The following COX16 variants were observed in gnomAD, a reference collection of about 807,000 sequenced individuals.
The protein encoded by COX16 is cytochrome c oxidase assembly factor COX16.
In COX16, 12 loss-of-function variants were observed where a neutral mutation model predicts 15.4. The observed-to-expected ratio is 0.78, with a 90% CI of 0.50 to 1.26. The LOEUF (loss-of-function observed/expected upper bound fraction) is 1.26. Among genes scored for constraint, COX16 ranks in the 50% most tolerant of loss-of-function variants. The pLI, the probability that COX16 is intolerant of heterozygous loss-of-function variation, is 0.00. For synonymous variants in COX16, 46 were observed against 41.1 expected, an observed-to-expected ratio of 1.12 and a Z score of -0.46; for missense variants, 124 against 127.6, an observed-to-expected ratio of 0.97 and a Z score of 0.14.
chr14:70,329,623 T>C (rs1286271466), intron 2 of COX16, among the ~76,000 whole-genome samples: 1 of 149,976 alleles, frequency 6.7e-6, no homozygotes. Context: ...TAACCACCAA[T>C]CTAAATTATA....
intron 3 of COX16, among the ~76,000 whole-genome samples, chr14:70,327,906 TG>T (rs1886133058): frequency 6.6e-6 from 1 of 151,976 alleles, no homozygotes; most frequent in African/African-American, 2.4e-5. Flanking sequence ...GGCCTGAGTG[TG>T]GAACAGCGTC....
intron 2 of COX16, among the ~76,000 whole-genome samples, chr14:70,329,721 C>CAAA (rs199721497): frequency 0.067 from 7,924 of 117,786 alleles, 390 homozygotes; most frequent in Non-Finnish European, 0.1. Context: ...AGATATCTAC[C>CAAA]AAAAAAAAAA....
At chr14:70,339,565 G>A (rs1462081076) in intron 2 of COX16, among the ~76,000 whole-genome samples, 1 of 152,064 alleles carries the variant, frequency 6.6e-6, no homozygotes, top group African/African-American at 2.4e-5. Context: ...TTAGACCACA[G>A]TGTCAACCCC....
At chr14:70,340,480 T>C (rs954145700) in intron 2 of COX16, among the ~76,000 whole-genome samples, 3 of 152,362 alleles carry the variant, frequency 2.0e-5, no homozygotes, top group South Asian at 2.1e-4. Context: ...CTTAGATTTA[T>C]TCATATTTTT....
intron 1 of COX16, among the ~76,000 whole-genome samples, chr14:70,353,421 T>TAC (rs1405879676): frequency 6.7e-6 from 1 of 148,370 alleles, no homozygotes. Context: ...CACATATATA[T>TAC]ACACACACAT....
At chr14:70,336,117 G>C (rs539244120) in intron 2 of COX16, among the ~76,000 whole-genome samples, 3 of 152,076 alleles carry the variant, frequency 2.0e-5, no homozygotes, top group Non-Finnish European at 4.4e-5. Flanking sequence ...TTAGCCGGGC[G>C]TGGTAGCATG....
intron 3 of COX16, 88 bp from the exon 4 acceptor site, chr14:70,326,537 A>AGTTAGTT: frequency 1.0e-6 from 1 of 978,478 alleles, no homozygotes; most frequent in Non-Finnish European, 1.4e-6. Flanking sequence ...TGAATAAATG[A>AGTTAGTT]GTAGAAAGTA....
intron 1 of COX16, among the ~76,000 whole-genome samples, chr14:70,347,873 CTCCT>C (rs1029622743): frequency 6.6e-6 from 1 of 152,086 alleles, no homozygotes; most frequent in Non-Finnish European, 1.5e-5. Flanking sequence ...TCTGGGTTCC[CTCCT>C]TTGCTCTACT....
intron 2 of COX16, among the ~76,000 whole-genome samples, chr14:70,339,233 T>C (rs1886551207): frequency 6.6e-6 from 1 of 152,180 alleles, no homozygotes; most frequent in African/African-American, 2.4e-5. Flanking sequence ...GGATCCTTGG[T>C]GGTTAGAATC....
Position 70,326,408 on chromosome 14 carries a change from T to C in COX16, c.246A>G (p.Arg82=), listed in dbSNP as rs1419439167. ...CAGGATCTTCCCAAGGCCTGGGTCC[T>C]CGAATATTCTTCCAGTCATCAAACT... ...DSKFDDWKNI[R]GPRPWEDPDL... Residue 82 remains arginine (R), a synonymous_variant, in exon 4 of 4, where the codon CGA becomes CGG. Coordinates refer to ENST00000389912, the MANE Select transcript of COX16 (RefSeq NM_016468.7). The C allele has an allele frequency of 1.9e-6, 3 of 1,597,696 alleles. No individual in the cohort carries two copies. In the East Asian group the frequency reaches 6.8e-5, roughly 36 times the overall value.
At chr14:70,340,173 C>A (rs903503235) in intron 2 of COX16, among the ~76,000 whole-genome samples, 2 of 152,168 alleles carry the variant, frequency 1.3e-5, no homozygotes, top group Non-Finnish European at 2.9e-5. Flanking sequence ...ATGCTAGTCT[C>A]ATGATAGTAA....
chr14:70,331,733 T>C (rs948563033), intron 2 of COX16, among the ~76,000 whole-genome samples: 3 of 48,648 alleles, frequency 6.2e-5, no homozygotes, highest in Non-Finnish European at 1.4e-4. Flanking sequence ...TCAAATAAAA[T>C]TGAAGTATGA....
At chr14:70,337,710 T>C (rs570127562) in intron 2 of COX16, among the ~76,000 whole-genome samples, 1 of 152,062 alleles carries the variant, frequency 6.6e-6, no homozygotes, top group Admixed American at 6.5e-5. Context: ...AAGGAAAAAA[T>C]AGATTAAAAT....
intron 2 of COX16, among the ~76,000 whole-genome samples, chr14:70,334,268 A>G (rs754760017): frequency 2.0e-5 from 3 of 152,214 alleles, no homozygotes; most frequent in Non-Finnish European, 2.9e-5. Flanking sequence ...CACATCTGTA[A>G]TCCCAGCATC....
intron 2 of COX16, among the ~76,000 whole-genome samples, chr14:70,330,322 C>A (rs183889395): frequency 7.7e-4 from 117 of 152,130 alleles, no homozygotes; most frequent in African/African-American, 2.7e-3. Flanking sequence ...CCAAAACTGA[C>A]AAAGGCACAA....
intron 1 of COX16, among the ~76,000 whole-genome samples, chr14:70,356,295 T>C (rs1243435522): frequency 6.6e-6 from 1 of 152,004 alleles, no homozygotes; most frequent in Non-Finnish European, 1.5e-5. Flanking sequence ...GCATGCAACC[T>C]AGATCCCTCA....
chr14:70,338,997 T>C (rs1339901769), intron 2 of COX16, among the ~76,000 whole-genome samples: 1 of 152,232 alleles, frequency 6.6e-6, no homozygotes, highest in African/African-American at 2.4e-5. Context: ...TTTTCAGTGA[T>C]GTCTGAATCA....
At chr14:70,341,947 GTTTTCC>G (rs1385720633) in intron 2 of COX16, among the ~76,000 whole-genome samples, 3 of 151,948 alleles carry the variant, frequency 2.0e-5, no homozygotes, top group African/African-American at 4.8e-5. Context: ...CTGAAAAATA[GTTTTCC>G]TTTTAGTAAC....
At chr14:70,339,674 G>A (rs1331802565) in intron 2 of COX16, among the ~76,000 whole-genome samples, 1 of 152,022 alleles carries the variant, frequency 6.6e-6, no homozygotes, top group African/African-American at 2.4e-5. Flanking sequence ...TTTCAATCCT[G>A]AAGAACAAAA....
Sources: allele counts gnomAD v4.1 joint callset (sites outside exome capture counted in the v4.1 genomes callset), GRCh38; gene constraint gnomAD v4.1.1; transcripts MANE v1.5; gene names NCBI Gene and HGNC (gene_info 2026-07-23, HGNC 2026-07-21).